The following PXDNL variants were observed in gnomAD, a reference collection of about 807,000 sequenced individuals.
PXDNL encodes probable oxidoreductase PXDNL.
A neutral mutation model predicts 150.8 loss-of-function variants in PXDNL; 145 were observed. That is an observed-to-expected ratio of 0.96 (90% confidence interval 0.84 to 1.10). The LOEUF (loss-of-function observed/expected upper bound fraction) is 1.10. Among genes scored for constraint, PXDNL ranks in the 50% least tolerant of loss-of-function variants. The pLI is 0.00. For synonymous variants in PXDNL, 757 were observed against 725.7 expected (o/e 1.04, Z -0.69); for missense variants, 2,087 against 1,873.9 (o/e 1.11, Z -2.10).
chr8:51,491,556 A>T (rs1299466653), intron 5 of PXDNL, among the ~76,000 whole-genome samples: 1 of 152,220 alleles, frequency 6.6e-6, no homozygotes, highest in Non-Finnish European at 1.5e-5. Flanking sequence ...CCGCTGATGG[A>T]TCCCAAGCTA....
chr8:51,404,577 A>G (rs142302560), intron 17 of PXDNL, among the ~76,000 whole-genome samples: 1,510 of 143,592 alleles, frequency 0.011, 16 homozygotes, highest in Non-Finnish European at 0.016. Context: ...TCCCCACCAG[A>G]TTAGCCAGGT....
chr8:51,538,658 T>A (rs1191838640), intron 4 of PXDNL, among the ~76,000 whole-genome samples: 3 of 151,878 alleles, frequency 2.0e-5, no homozygotes. Context: ...TCCCAGCTAC[T>A]CAGGAGGCTG....
chr8:51,782,680 C>A (rs911754409), intron 1 of PXDNL, among the ~76,000 whole-genome samples: 1 of 152,166 alleles, frequency 6.6e-6, no homozygotes, highest in East Asian at 1.9e-4. Flanking sequence ...TCCTTTATGG[C>A]GTGCTAAATA....
At chr8:51,385,420 TG>T (rs1374843409) in intron 17 of PXDNL, among the ~76,000 whole-genome samples, 1 of 152,202 alleles carries the variant, frequency 6.6e-6, no homozygotes, top group East Asian at 1.9e-4. Context: ...GCATACATTC[TG>T]GGGTAAGTAA....
chr8:51,578,344 C>G (rs546367641), intron 3 of PXDNL, among the ~76,000 whole-genome samples: 1 of 151,718 alleles, frequency 6.6e-6, no homozygotes, highest in Non-Finnish European at 1.5e-5. Context: ...ATGAAAATGT[C>G]AACACTGAAA....
chr8:51,595,021 GAACAA>G (rs747420991), intron 2 of PXDNL, among the ~76,000 whole-genome samples: 2 of 151,624 alleles, frequency 1.3e-5, no homozygotes, highest in African/African-American at 2.4e-5. Context: ...AAAAAGAAGC[GAACAA>G]AACAAAACAA....
chr8:51,696,836 CACAG>C (rs1816153590), intron 1 of PXDNL, among the ~76,000 whole-genome samples: 1 of 144,426 alleles, frequency 6.9e-6, no homozygotes, highest in African/African-American at 2.6e-5. Context: ...CACACACACA[CACAG>C]GTCCTGACAC....
chr8:51,481,557 G>T (rs1810604149), intron 6 of PXDNL, among the ~76,000 whole-genome samples: 1 of 152,208 alleles, frequency 6.6e-6, no homozygotes, highest in Non-Finnish European at 1.5e-5. Flanking sequence ...TGTCTCCAGG[G>T]TATGTCAGAG....
intron 1 of PXDNL, among the ~76,000 whole-genome samples, chr8:51,671,620 G>A (rs1443580509): frequency 6.6e-6 from 1 of 152,184 alleles, no homozygotes; most frequent in Non-Finnish European, 1.5e-5. Context: ...AAGTGGAACT[G>A]TTCTTCAGTA....
chr8:51,799,574 G>A (rs958562414), intron 1 of PXDNL, among the ~76,000 whole-genome samples: 1 of 152,166 alleles, frequency 6.6e-6, no homozygotes, highest in African/African-American at 2.4e-5. Flanking sequence ...TCCCTACTTG[G>A]TGGCTGCTTT....
chr8:51,435,447 A>T (rs1809374351), intron 12 of PXDNL, among the ~76,000 whole-genome samples: 1 of 152,190 alleles, frequency 6.6e-6, no homozygotes, highest in East Asian at 1.9e-4. Context: ...TCAAGAATGG[A>T]AAGGTATCGT....
intron 1 of PXDNL, among the ~76,000 whole-genome samples, chr8:51,774,010 T>C (rs905785967): frequency 2.0e-5 from 3 of 152,234 alleles, no homozygotes; most frequent in Admixed American, 6.5e-5. Context: ...ATATGTAGAA[T>C]AGAATTTTAA....
At chr8:51,728,267 TTGATAA>T (rs1045828143) in intron 1 of PXDNL, among the ~76,000 whole-genome samples, 2 of 152,264 alleles carry the variant, frequency 1.3e-5, no homozygotes, top group African/African-American at 4.8e-5. Context: ...TATATAATAC[TTGATAA>T]TGATAATAAA....
intron 20 of PXDNL, among the ~76,000 whole-genome samples, chr8:51,341,982 T>C (rs1017022304): frequency 2.6e-5 from 4 of 152,114 alleles, no homozygotes; most frequent in African/African-American, 7.2e-5. Flanking sequence ...GAAATGAGGA[T>C]ATCAAAGAGA....
intron 19 of PXDNL, among the ~76,000 whole-genome samples, chr8:51,351,828 G>T (rs1293510102): frequency 6.6e-6 from 1 of 152,116 alleles, no homozygotes; most frequent in Non-Finnish European, 1.5e-5. Flanking sequence ...CCTTCCATGA[G>T]GCCCTCTCCA....
intron 2 of PXDNL, among the ~76,000 whole-genome samples, chr8:51,611,003 T>C: frequency 6.6e-6 from 1 of 152,174 alleles, no homozygotes; most frequent in East Asian, 1.9e-4. Flanking sequence ...CTAAGCAACA[T>C]GAGTGACATG....
At chr8:51,503,410 T>A (rs201148954) in intron 4 of PXDNL, among the ~76,000 whole-genome samples, 1 of 133,156 alleles carries the variant, frequency 7.5e-6, no homozygotes, top group African/African-American at 2.7e-5. Context: ...AAATTTTTTT[T>A]AAAACTTTAA....
Position 51,416,227 on chromosome 8 carries a change from A to AGATT in PXDNL, c.1796-2973_1796-2970dup, listed in dbSNP as rs1248021081. On this transcript the variant is annotated intron_variant, in intron 14 of 22. Coordinates refer to ENST00000356297, the MANE Select transcript of PXDNL (RefSeq NM_144651.5). ...GGTCTACGTGGATTTGGAAGTAAGA[A>AGATT]GATTGTGTGCTAGGACTGAGTTACC... Among the ~76,000 whole-genome samples, 3 of 152,244 alleles carry AGATT rather than the reference A, an allele frequency of 2.0e-5. No homozygotes were observed. In the East Asian group the frequency reaches 5.8e-4, roughly 29 times the overall value.
intron 14 of PXDNL, among the ~76,000 whole-genome samples, chr8:51,420,978 G>A (rs192045591): frequency 1.3e-5 from 2 of 152,236 alleles, no homozygotes; most frequent in Admixed American, 1.3e-4. Context: ...ATGAGCCACT[G>A]CACCCAGCCT....
Sources: gnomAD v4.1 joint callset for allele counts (sites outside exome capture counted in the v4.1 genomes callset) on GRCh38, gnomAD v4.1.1 for gene constraint, MANE v1.5 for transcripts, NCBI Gene and HGNC (gene_info 2026-07-23, HGNC 2026-07-21) for gene names.